The following DPP10 variants were observed in gnomAD, a reference collection of about 807,000 sequenced individuals.
The protein encoded by DPP10 is inactive dipeptidyl peptidase 10.
A neutral mutation model predicts 120.9 loss-of-function variants in DPP10; 33 were observed. That is an observed-to-expected ratio of 0.27 (90% confidence interval 0.21 to 0.37). DPP10 has a LOEUF of 0.37. Ranked by LOEUF, DPP10 falls within the 10% of genes least tolerant of loss-of-function variation. The probability of loss-of-function intolerance (pLI) is 1.00; values close to 1 mark genes in which losing one functional copy is unlikely to be tolerated. For synonymous variants in DPP10, 337 were observed against 326.1 expected, an observed-to-expected ratio of 1.03 and a Z score of -0.36; for missense variants, 816 against 942.8, an observed-to-expected ratio of 0.87 and a Z score of 1.76.
At chr2:115,729,755 A>C (rs1241640528) in intron 8 of DPP10, among the ~76,000 whole-genome samples, 3 of 152,170 alleles carry the variant, frequency 2.0e-5, no homozygotes, top group Admixed American at 6.6e-5. Flanking sequence ...CAGCTTAGGC[A>C]ACAGAGTGAG....
chr2:114,989,791 G>A (rs1424868664), intron 1 of DPP10, among the ~76,000 whole-genome samples: 1 of 152,170 alleles, frequency 6.6e-6, no homozygotes, highest in East Asian at 1.9e-4. Context: ...ACGTCTATAT[G>A]CAATTGATCT....
At chr2:115,630,683 T>C (rs2085779768) in intron 5 of DPP10, among the ~76,000 whole-genome samples, 1 of 152,204 alleles carries the variant, frequency 6.6e-6, no homozygotes, top group African/African-American at 2.4e-5. Flanking sequence ...TATATTTAGT[T>C]CTGTTTATGT....
chr2:115,322,516 C>T (rs1393104811), intron 2 of DPP10, among the ~76,000 whole-genome samples: 1 of 152,158 alleles, frequency 6.6e-6, no homozygotes, highest in African/African-American at 2.4e-5. Flanking sequence ...TACAACTCTA[C>T]CTTAATCTTT....
chr2:114,967,807 CATT>C (rs1033179863), intron 1 of DPP10, among the ~76,000 whole-genome samples: 1 of 151,464 alleles, frequency 6.6e-6, no homozygotes. Flanking sequence ...TTATCATTAT[CATT>C]ATTATTATTC....
chr2:115,214,090 G>A (rs2056675052), intron 1 of DPP10, among the ~76,000 whole-genome samples: 1 of 152,190 alleles, frequency 6.6e-6, no homozygotes, highest in Non-Finnish European at 1.5e-5. Context: ...TTGGGGTTGG[G>A]AAGCAGTCCT....
chr2:115,464,427 AAAAC>A (rs940776891), intron 3 of DPP10, among the ~76,000 whole-genome samples: 4 of 151,852 alleles, frequency 2.6e-5, no homozygotes, highest in African/African-American at 4.8e-5. Flanking sequence ...CAAACAAAAC[AAAAC>A]AAACAAACAA....
intron 1 of DPP10, among the ~76,000 whole-genome samples, chr2:115,159,937 C>T (rs2052184295): frequency 6.6e-6 from 1 of 152,048 alleles, no homozygotes; most frequent in African/African-American, 2.4e-5. Context: ...AAGTAAATTC[C>T]TTCAACTCAA....
intron 1 of DPP10, among the ~76,000 whole-genome samples, chr2:114,915,130 CA>C (rs70941013): frequency 0.98 from 142,349 of 145,930 alleles, 69,457 homozygotes; most frequent in South Asian, 1. Flanking sequence ...GACTCCGTCT[CA>C]AAAAAAAAAA....
chr2:115,607,813 G>A (rs1191741557), intron 5 of DPP10, among the ~76,000 whole-genome samples: 3 of 152,044 alleles, frequency 2.0e-5, no homozygotes, highest in Non-Finnish European at 2.9e-5. Context: ...GGAAGTAGAC[G>A]CCTGGGTGGA....
rs750385449 is a variant in DPP10, at chr2:114,586,045, C to T, written c.60+143207C>T. On this transcript the variant is annotated intron_variant, in intron 1 of 25. Transcript: ENST00000410059. ...AGCAGATTGCTTGGGCTCAGGAGTT[C>T]GAGACGAGCCTGGGCAATGTGGTGA... Among the ~76,000 whole-genome samples the T allele has an allele frequency of 9.5e-4, 145 of 152,140 alleles. 1 individual carries two copies. The highest frequency in any genetic ancestry group is 1.8e-3 in the Non-Finnish European group (121 of 67,998).
At chr2:114,788,925 G>A (rs1162858343) in intron 1 of DPP10, among the ~76,000 whole-genome samples, 1 of 152,042 alleles carries the variant, frequency 6.6e-6, no homozygotes, top group Non-Finnish European at 1.5e-5. Context: ...TTTCAGGTGG[G>A]GGTCATTCCT....
At chr2:115,472,693 G>C (rs182992581) in intron 3 of DPP10, among the ~76,000 whole-genome samples, 1 of 152,198 alleles carries the variant, frequency 6.6e-6, no homozygotes, top group African/African-American at 2.4e-5. Context: ...TCTTTACTAG[G>C]TGAAGAATGT....
chr2:115,050,257 T>C (rs1509747), intron 1 of DPP10: 147,351 of 152,224 alleles, frequency 0.97, 71,523 homozygotes, highest in Middle Eastern at 1. Flanking sequence ...ACACTTACCC[T>C]GGTTCCATCC....
chr2:115,247,690 C>G (rs1035753796), intron 1 of DPP10, among the ~76,000 whole-genome samples: 7 of 151,838 alleles, frequency 4.6e-5, no homozygotes, highest in African/African-American at 1.7e-4. Context: ...AGATGAAATA[C>G]AATTGCAGGA....
intron 1 of DPP10, among the ~76,000 whole-genome samples, chr2:114,837,735 C>T (rs908780945): frequency 1.3e-5 from 2 of 152,136 alleles, no homozygotes; most frequent in African/African-American, 2.4e-5. Context: ...ATGTGATCTG[C>T]CTCACAAATC....
intron 5 of DPP10, among the ~76,000 whole-genome samples, chr2:115,588,595 G>A (rs2082435625): frequency 6.6e-6 from 1 of 152,206 alleles, no homozygotes; most frequent in East Asian, 1.9e-4. Context: ...ATGGAATCAT[G>A]TGTTGCACAC....
intron 1 of DPP10, among the ~76,000 whole-genome samples, chr2:114,597,631 A>G (rs1692026079): frequency 6.6e-6 from 1 of 151,890 alleles, no homozygotes; most frequent in African/African-American, 2.4e-5. Flanking sequence ...AGGTGATGGA[A>G]ATTTGGCTCT....
intron 21 of DPP10, among the ~76,000 whole-genome samples, chr2:115,827,412 GTGTATATATA>G (rs1254837862): frequency 3.7e-4 from 30 of 81,946 alleles, no homozygotes; most frequent in African/African-American, 7.3e-4. Flanking sequence ...GTATGTGTGT[GTGTATATATA>G]TATATATATA....
intron 1 of DPP10, among the ~76,000 whole-genome samples, chr2:115,290,000 A>T (rs1200841992): frequency 6.6e-6 from 1 of 152,118 alleles, no homozygotes; most frequent in East Asian, 1.9e-4. Flanking sequence ...AGTAAATGGG[A>T]CCTAATTAAC....
Sources: allele counts gnomAD v4.1 joint callset (sites outside exome capture counted in the v4.1 genomes callset), GRCh38; gene constraint gnomAD v4.1.1; transcripts MANE v1.5; gene names NCBI Gene and HGNC (gene_info 2026-07-23, HGNC 2026-07-21).